Variants in ZNF346 observed in about 807,000 individuals in gnomAD.
ZNF346 encodes zinc finger protein 346.
A neutral mutation model predicts 33.7 loss-of-function variants in ZNF346; 23 were observed. The observed-to-expected ratio is 0.68, with a 90% CI of 0.49 to 0.97. ZNF346 has a LOEUF of 0.97. Among genes scored for constraint, ZNF346 ranks in the 50% least tolerant of loss-of-function variants. ZNF346 has a pLI of 0.00. For synonymous variants in ZNF346, 134 were observed against 142.4 expected (o/e 0.94, Z 0.42); for missense variants, 340 against 371.1 (o/e 0.92, Z 0.69).
rs182390068 is a variant in ZNF346, at chr5:177,056,679, A to G, written c.704-5379A>G. On this transcript the variant is annotated intron_variant, in intron 5 of 6. Transcript: ENST00000358149. ...CTATCACAAGGACAGAAAACCAAACACTGCATATTCTCACTCACAGGTGGG... is the reference window on the plus strand; with the variant it reads ...CTATCACAAGGACAGAAAACCAAACGCTGCATATTCTCACTCACAGGTGGG... Among the ~76,000 whole-genome samples the G allele has an allele frequency of 6.9e-3, 1,046 of 151,530 alleles. 11 individuals carry two copies. The highest frequency in any genetic ancestry group is 0.024 in the African/African-American group (994 of 41,320).
intron 1 of ZNF346, among the ~76,000 whole-genome samples, chr5:177,028,521 T>TATATA (rs56006820): frequency 5.2e-5 from 7 of 135,890 alleles, no homozygotes; most frequent in Non-Finnish European, 1.1e-4. Flanking sequence ...TATATATATA[T>TATATA]TTCCCTCCAT....
intron 6 of ZNF346, 33 bp downstream of exon 6, chr5:177,062,184 A>C: frequency 6.3e-7 from 1 of 1,580,934 alleles, no homozygotes; most frequent in Non-Finnish European, 8.7e-7. Flanking sequence ...TCTAGGATCC[A>C]TAGCAGGAGC....
chr5:177,045,822 A>G (rs1484536531), intron 4 of ZNF346, among the ~76,000 whole-genome samples: 2 of 151,974 alleles, frequency 1.3e-5, no homozygotes, highest in East Asian at 3.9e-4. Flanking sequence ...TCACACCCAC[A>G]TCTAGTTATT....
chr5:177,069,854 G>T (rs370451193), downstream of ZNF346, among the ~76,000 whole-genome samples: 1 of 151,590 alleles, frequency 6.6e-6, no homozygotes, highest in African/African-American at 2.4e-5. Context: ...TAGGGATGGC[G>T]TCTCACCCTG....
chr5:177,062,514 A>G (rs1782675320), intron 6 of ZNF346, among the ~76,000 whole-genome samples: 1 of 152,128 alleles, frequency 6.6e-6, no homozygotes, highest in South Asian at 2.1e-4. Flanking sequence ...GGTCATTATC[A>G]AATATGACCA....
At chr5:177,073,491 A>G (rs945576252) in intron 8 of ZNF346, among the ~76,000 whole-genome samples, 4 of 152,024 alleles carry the variant, frequency 2.6e-5, no homozygotes, top group Admixed American at 2.6e-4. Flanking sequence ...TTTTGTAGAC[A>G]CAAGGTCCCA....
Position 177,022,915 on chromosome 5 carries a change from T to C in ZNF346, c.175+2T>C. On this transcript the variant is annotated splice_donor_variant, in intron 1 of 6. Transcript: ENST00000358149. LOFTEE classifies it high-confidence loss of function. ...CCCAGCCGGTGGGTAGAGAGGAAGG[T>C]GAGTCGGGGGCTTTGGAGGCAGAAA... 1 of 1,470,646 alleles carries C rather than the reference T, an allele frequency of 6.8e-7. No homozygotes were observed. Among genetic ancestry groups the C allele is most frequent in the Admixed American group, 2.6e-5 (1 of 38,500 alleles). 91.1% of individuals were successfully genotyped at this position (1,470,646 alleles called of 1,614,324 possible).
chr5:177,064,460 C>A, intron 6 of ZNF346, 52 bp from the exon 7 acceptor site: 2 of 1,424,558 alleles, frequency 1.4e-6, no homozygotes, highest in Non-Finnish European at 2.0e-6. Flanking sequence ...TGCAGTAGGC[C>A]AATACAGCTG....
At chr5:177,047,386 G>T (rs1780225047) in intron 4 of ZNF346, among the ~76,000 whole-genome samples, 1 of 149,468 alleles carries the variant, frequency 6.7e-6, no homozygotes, top group Non-Finnish European at 1.5e-5. Context: ...TGCCCAAGCT[G>T]GAGTGAAATG....
chr5:177,072,152 CAA>C (rs997067523), downstream of ZNF346, among the ~76,000 whole-genome samples: 7 of 152,214 alleles, frequency 4.6e-5, no homozygotes, highest in African/African-American at 1.7e-4. Context: ...GGACAACTGG[CAA>C]AGACTTGATT....
At chr5:177,040,033 T>C (rs1581844856) in intron 1 of ZNF346, among the ~76,000 whole-genome samples, 1 of 151,808 alleles carries the variant, frequency 6.6e-6, no homozygotes, top group African/African-American at 2.4e-5. Flanking sequence ...ACAAAAAAAT[T>C]AGTTGGGCGT....
chr5:177,040,634 C>T (rs1779224626), intron 1 of ZNF346, among the ~76,000 whole-genome samples: 1 of 152,200 alleles, frequency 6.6e-6, no homozygotes, highest in African/African-American at 2.4e-5. Context: ...CGTGAGCCAC[C>T]ACGCCCCACC....
At chr5:177,073,995 C>T (rs1380442559) in intron 8 of ZNF346, among the ~76,000 whole-genome samples, 4 of 152,070 alleles carry the variant, frequency 2.6e-5, no homozygotes, top group Non-Finnish European at 4.4e-5. Context: ...GACCATGTGG[C>T]GACCACAGAC....
intron 5 of ZNF346, among the ~76,000 whole-genome samples, chr5:177,060,387 G>GGT (rs1782337591): frequency 6.6e-6 from 1 of 151,450 alleles, no homozygotes; most frequent in African/African-American, 2.4e-5. Context: ...CGGGCGTGGT[G>GGT]GTGCACGCCT....
intron 1 of ZNF346, among the ~76,000 whole-genome samples, chr5:177,033,995 C>T (rs1172619444): frequency 3.9e-5 from 6 of 152,242 alleles, no homozygotes; most frequent in South Asian, 2.1e-4. Context: ...GATCCTCCCA[C>T]GTCAGCCACT....
At chr5:177,026,399 G>A (rs551272583) in intron 1 of ZNF346, among the ~76,000 whole-genome samples, 7 of 121,132 alleles carry the variant, frequency 5.8e-5, no homozygotes, top group Non-Finnish European at 6.5e-5. Context: ...CCACTCTATC[G>A]CCCAGGCTAG....
chr5:177,038,238 G>A (rs989498535), intron 1 of ZNF346, among the ~76,000 whole-genome samples: 3 of 148,678 alleles, frequency 2.0e-5, no homozygotes, highest in Non-Finnish European at 4.4e-5. Flanking sequence ...ACAGGCATGC[G>A]CCACCATGCC....
At chr5:177,056,075 C>CAAAAAAAA (rs386405776) in intron 5 of ZNF346, among the ~76,000 whole-genome samples, 1 of 97,112 alleles carries the variant, frequency 1.0e-5, no homozygotes, top group Non-Finnish European at 2.0e-5. Context: ...GACTCCGTCT[C>CAAAAAAAA]AAAAAAAAAA....
chr5:177,051,170 C>CTTTT (rs906484576), intron 5 of ZNF346, among the ~76,000 whole-genome samples: 156 of 104,822 alleles, frequency 1.5e-3, no homozygotes, highest in Non-Finnish European at 1.7e-3. Flanking sequence ...GTTTTCTTTT[C>CTTTT]TTTTTTTTTT....
Sources: gnomAD v4.1 joint callset for allele counts (sites outside exome capture counted in the v4.1 genomes callset) on GRCh38, gnomAD v4.1.1 for gene constraint, MANE v1.5 for transcripts, NCBI Gene and HGNC (gene_info 2026-07-23, HGNC 2026-07-21) for gene names.